CLNK: variants seen among roughly 807,000 people sequenced by gnomAD.
The protein encoded by CLNK is cytokine dependent hematopoietic cell linker, also known as cytokine-dependent hematopoietic cell linker.
In CLNK, 74 loss-of-function variants were observed where a neutral mutation model predicts 68.6. That is an observed-to-expected ratio of 1.08 (90% CI 0.89 to 1.31). CLNK has a LOEUF of 1.31. Ranked by LOEUF, CLNK falls within the 50% of genes most tolerant of loss-of-function variation. The probability of loss-of-function intolerance (pLI) is 0.00; values close to 1 mark genes in which losing one functional copy is unlikely to be tolerated. For missense variants in CLNK, 553 were observed against 515.3 expected (o/e 1.07, Z -0.71); for synonymous variants, 198 against 172.2 (o/e 1.15, Z -1.17).
At chr4:10,508,896 C>T (rs1039335846) in intron 16 of CLNK, among the ~76,000 whole-genome samples, 4 of 152,070 alleles carry the variant, frequency 2.6e-5, no homozygotes, top group Non-Finnish European at 4.4e-5. Context: ...ATCACAAGGT[C>T]AGGAGATCGA....
rs139787789 is a variant in CLNK, at chr4:10,617,353, C to T, written c.12-19304G>A. Reference sequence around the variant, plus strand: ...TGGAGATGATCCAAGTTCAATCTTCCTTTTATCTTCTCCCCCAAAAGAATA... The same window carrying T: ...TGGAGATGATCCAAGTTCAATCTTCTTTTTATCTTCTCCCCCAAAAGAATA... On this transcript the variant is annotated intron_variant, in intron 2 of 18. Transcript: ENST00000226951. Among the ~76,000 whole-genome samples the T allele has an allele frequency of 7.9e-5, 12 of 152,244 alleles. No homozygotes were observed. In the East Asian group the frequency reaches 2.3e-3, roughly 29 times the overall value.
rs1052178527 is a variant in CLNK at position 10,648,722 on chromosome 4, A to T, written c.11+19137T>A. On this transcript the variant is annotated intron_variant, in intron 2 of 18. Transcript: ENST00000226951. ...TGAGGGCTCTGGCTTTCTGGTTCTG[A>T]GTCAATGGTTTCCCCTTTGTTCCAT... 3.3e-5 allele frequency among the ~76,000 whole-genome samples: 5 copies of T among 152,278 alleles called. No individual in the cohort carries two copies. In the East Asian group the frequency reaches 9.6e-4, roughly 29 times the overall value.
At chr4:10,617,690 A>C (rs953480205) in intron 2 of CLNK, among the ~76,000 whole-genome samples, 1 of 152,218 alleles carries the variant, frequency 6.6e-6, no homozygotes, top group South Asian at 2.1e-4. Context: ...CAGTATCTCT[A>C]CTGTTATTTT....
rs1717382174 is a variant in CLNK, at chr4:10,507,972, A to G, written c.971T>C (p.Met324Thr). The G allele has an allele frequency of 2.5e-6, 4 of 1,608,056 alleles. No individual in the cohort carries two copies. The African/African-American group carries it at 4.0e-5, about 16-fold the overall frequency. ...YSRQAVEEAF[M>T]KENKDGSFLV... ...AGAAGGCATTACCTTGTTCTCCTTC[A>G]TGAATGCCTCTTCCACTGCCTGGCG... is the stretch of plus-strand genomic sequence containing the variant. The change falls in exon 17 of 19, where the codon ATG becomes ACG. Residue 324 changes from methionine to threonine, a missense_variant. Coordinates refer to ENST00000226951, the MANE Select transcript of CLNK (RefSeq NM_052964.4).
chr4:10,673,502 G>A (rs1724745851), intron 1 of CLNK, among the ~76,000 whole-genome samples: 1 of 152,148 alleles, frequency 6.6e-6, no homozygotes, highest in Admixed American at 6.5e-5. Context: ...AAAAGGATGA[G>A]TTCATGTCCT....
chr4:10,557,930 T>A (rs1373748164), intron 8 of CLNK, among the ~76,000 whole-genome samples: 1 of 152,252 alleles, frequency 6.6e-6, no homozygotes, highest in Non-Finnish European at 1.5e-5. Flanking sequence ...GGGCTTATCT[T>A]CCATTTATGC....
intron 1 of CLNK, among the ~76,000 whole-genome samples, chr4:10,674,630 G>C (rs945391038): frequency 6.6e-6 from 1 of 152,092 alleles, no homozygotes; most frequent in Admixed American, 6.6e-5. Context: ...AGGTATAAAG[G>C]GGACCATGTC....
Position 10,500,497 on chromosome 4 carries a change from A to G in CLNK, c.1140+759T>C, listed in dbSNP as rs182953577. ...GTAGTTCGAGACCAGCCTGACCAAC[A>G]TGGTGAAACCCCATCACTACTAAAA... On this transcript the variant is annotated intron_variant, in intron 18 of 18. Coordinates refer to ENST00000226951, the MANE Select transcript of CLNK (RefSeq NM_052964.4). Among the ~76,000 whole-genome samples, 9 of 152,256 alleles carry G rather than the reference A, an allele frequency of 5.9e-5. No homozygotes were observed. In the East Asian group the frequency reaches 1.5e-3, roughly 26 times the overall value.
chr4:10,567,732 G>T (rs773038074), intron 5 of CLNK, among the ~76,000 whole-genome samples: 1 of 152,138 alleles, frequency 6.6e-6, no homozygotes, highest in Non-Finnish European at 1.5e-5. Context: ...ATGATCTAAG[G>T]ATAAATAACC....
the CLNK span, among the ~76,000 whole-genome samples, chr4:10,725,024 G>A: frequency 6.6e-6 from 1 of 152,204 alleles, no homozygotes; most frequent in East Asian, 1.9e-4. Flanking sequence ...GTGAGGAGGA[G>A]AGGCCTGTGG....
chr4:10,601,023 T>C (rs917789012), intron 2 of CLNK, among the ~76,000 whole-genome samples: 1 of 152,234 alleles, frequency 6.6e-6, no homozygotes, highest in African/African-American at 2.4e-5. Flanking sequence ...TTTTTAACTT[T>C]AAGAAGAGAG....
At chr4:10,579,514 T>C (rs1230350227) in intron 4 of CLNK, among the ~76,000 whole-genome samples, 1 of 152,174 alleles carries the variant, frequency 6.6e-6, no homozygotes, top group Non-Finnish European at 1.5e-5. Flanking sequence ...AAGAATATAA[T>C]GGAGCAGAAA....
At chr4:10,497,197 TG>T (rs1235216244) in intron 18 of CLNK, among the ~76,000 whole-genome samples, 1 of 152,204 alleles carries the variant, frequency 6.6e-6, no homozygotes, top group East Asian at 1.9e-4. Flanking sequence ...CCCCAGAGGT[TG>T]GCTATGAGGA....
chr4:10,727,471 T>A, the CLNK span, among the ~76,000 whole-genome samples: 1 of 152,216 alleles, frequency 6.6e-6, no homozygotes, highest in African/African-American at 2.4e-5. Context: ...TCTAATTAAA[T>A]TCCTGCTTCA....
At chr4:10,686,769 C>T (rs968934284), upstream of CLNK, among the ~76,000 whole-genome samples, 1 of 152,000 alleles carries the variant, frequency 6.6e-6, no homozygotes, top group Admixed American at 6.6e-5. Context: ...AATGCATGTT[C>T]ACATCCAATT....
intron 8 of CLNK, among the ~76,000 whole-genome samples, chr4:10,545,348 C>G (rs1719184663): frequency 6.6e-6 from 1 of 152,192 alleles, no homozygotes; most frequent in Admixed American, 6.5e-5. Context: ...AGGCCCCACC[C>G]AAGACTGAAA....
chr4:10,626,662 T>TA (rs1722688319), intron 2 of CLNK, among the ~76,000 whole-genome samples: 4 of 152,328 alleles, frequency 2.6e-5, no homozygotes, highest in African/African-American at 7.2e-5. Context: ...AATTTTTTGG[T>TA]AAAAAATACA....
At chr4:10,616,404 G>T (rs1366253878) in intron 2 of CLNK, among the ~76,000 whole-genome samples, 4 of 152,156 alleles carry the variant, frequency 2.6e-5, no homozygotes. Flanking sequence ...CTATAACATT[G>T]CGAATAGCAC....
intron 8 of CLNK, among the ~76,000 whole-genome samples, chr4:10,549,245 A>G (rs1317431338): frequency 2.0e-5 from 3 of 152,204 alleles, no homozygotes; most frequent in Non-Finnish European, 4.4e-5. Context: ...CTTCAAAGTA[A>G]GAGGTTAAGG....
Sources: allele counts gnomAD v4.1 joint callset (sites outside exome capture counted in the v4.1 genomes callset), GRCh38; gene constraint gnomAD v4.1.1; transcripts MANE v1.5; gene names NCBI Gene and HGNC (gene_info 2026-07-23, HGNC 2026-07-21).